ATP10A: variants seen among roughly 807,000 people sequenced by gnomAD.
ATP10A encodes phospholipid-transporting ATPase VA.
ATP10A carries 111 observed loss-of-function variants against 147.8 expected under a neutral mutation model. The observed-to-expected ratio is 0.75, with a 90% CI of 0.64 to 0.88. The LOEUF (loss-of-function observed/expected upper bound fraction) is 0.88, where lower values mean the gene tolerates loss of function less well. Ranked by LOEUF, ATP10A falls within the 40% of genes least tolerant of loss-of-function variation. The pLI, the probability that ATP10A is intolerant of heterozygous loss-of-function variation, is 0.00. For missense variants in ATP10A, 1,927 were observed against 1,959.0 expected, an observed-to-expected ratio of 0.98 and a Z score of 0.31; for synonymous variants, 875 against 841.6, an observed-to-expected ratio of 1.04 and a Z score of -0.69.
At chr15:25,843,644 C>T (rs1892903971) in intron 1 of ATP10A, among the ~76,000 whole-genome samples, 1 of 152,176 alleles carries the variant, frequency 6.6e-6, no homozygotes, top group African/African-American at 2.4e-5. Context: ...TCCATCTACT[C>T]AGAGTTTATC....
intron 1 of ATP10A, among the ~76,000 whole-genome samples, chr15:25,807,648 C>T (rs887551313): frequency 3.3e-5 from 5 of 151,958 alleles, no homozygotes. Flanking sequence ...ATGAAAAATA[C>T]AAAATTAGCT....
chr15:25,681,091 A>G lies in ATP10A; in HGVS notation c.3493-17T>C, dbSNP rs775098743. The G allele has an allele frequency of 6.2e-7, 1 of 1,608,620 alleles. No homozygotes were observed. The highest frequency in any genetic ancestry group is 2.2e-5 in the East Asian group (1 of 44,812). ...CCGGTATTCCTGGGACACAAAAACA[A>G]TCAGTGATGTTACAGTGAAGCATTG... On this transcript the variant is annotated splice_polypyrimidine_tract_variant and intron_variant, in intron 17 of 20. Transcript: ENST00000555815.
chr15:25,830,583 G>T (rs569661983), intron 1 of ATP10A, among the ~76,000 whole-genome samples: 7 of 145,372 alleles, frequency 4.8e-5, no homozygotes, highest in East Asian at 1.9e-4. Context: ...CTTTCTCTCC[G>T]GGGGGGTCCT....
chr15:25,849,106 C>T (rs909877930), intron 1 of ATP10A, among the ~76,000 whole-genome samples: 1 of 151,716 alleles, frequency 6.6e-6, no homozygotes, highest in African/African-American at 2.4e-5. Context: ...GCGGGGTAAG[C>T]AGGTTTAGAA....
At chr15:25,692,574 T>C (rs1014760615) in intron 14 of ATP10A, among the ~76,000 whole-genome samples, 10 of 152,188 alleles carry the variant, frequency 6.6e-5, no homozygotes, top group Admixed American at 6.5e-4. Flanking sequence ...TCCCTGTGAT[T>C]TTCCTGTTCT....
At chr15:25,732,046 GA>G (rs958722178) in intron 3 of ATP10A, among the ~76,000 whole-genome samples, 14 of 151,948 alleles carry the variant, frequency 9.2e-5, no homozygotes, top group African/African-American at 3.4e-4. Flanking sequence ...GTGTGTGTGT[GA>G]TTTTTGTAGA....
rs769090527 is a variant in ATP10A, at chr15:25,708,065, C to T, written c.2486G>A (p.Ser829Asn). Residue 829 changes from serine to asparagine, a missense_variant, in exon 12 of 21, where the codon AGC becomes AAC. Physicochemically the swap from Ser to Asn is conservative, Grantham distance 46. Coordinates refer to ENST00000555815, the MANE Select transcript of ATP10A (RefSeq NM_024490.4). ...CAGGGAGGATTCGGCTTCTAGGTGG[C>T]TTTGCAACCAGCAGGCATACTCTTC... is the stretch of plus-strand genomic sequence containing the variant. ...SKEEYACWLQ[S>N]HLEAESSLEN... The T allele has an allele frequency of 6.2e-7, 1 of 1,614,160 alleles. No homozygotes were observed. The highest frequency in any genetic ancestry group is 8.5e-7 in the Non-Finnish European group (1 of 1,180,042).
chr15:25,727,276 G>A lies in ATP10A; in HGVS notation c.741-10C>T, dbSNP rs1180753422. ...CCCGTTGTCATGTATGCTGTAGAGG[G>A]ACAGTTGGCACATGTCACGTGGTTG... On this transcript the variant is annotated splice_polypyrimidine_tract_variant and intron_variant, in intron 3 of 20. Transcript: ENST00000555815. 2 of 1,608,012 alleles carry A rather than the reference G, an allele frequency of 1.2e-6. No individual in the cohort carries two copies. The highest frequency in any genetic ancestry group is 1.7e-6 in the Non-Finnish European group (2 of 1,174,604).
chr15:25,785,460 C>T (rs929043377), intron 1 of ATP10A, among the ~76,000 whole-genome samples: 1 of 152,154 alleles, frequency 6.6e-6, no homozygotes, highest in Non-Finnish European at 1.5e-5. Context: ...TTGAAGTCAC[C>T]CCATCTGTGG....
At chr15:25,710,470 C>G (rs1360105566) in intron 10 of ATP10A, 5 of 152,200 alleles carry the variant, frequency 3.3e-5, no homozygotes, top group African/African-American at 1.2e-4. Flanking sequence ...TGGGCTGCAC[C>G]TGATGTTCCC....
At position 25,729,726 on chromosome 15, in the gene ATP10A, C is replaced by G. The variant is rs1463072393; in HGVS notation, c.741-2460G>C. On this transcript the variant is annotated intron_variant, in intron 3 of 20. Coordinates refer to ENST00000555815, the MANE Select transcript of ATP10A (RefSeq NM_024490.4). ...CTAGCCTCTGCCTGAGGTAGCCCGGCCTTCCGGCCTGGGCTCAGCTTCTGC... is the reference window on the plus strand; with the variant it reads ...CTAGCCTCTGCCTGAGGTAGCCCGGGCTTCCGGCCTGGGCTCAGCTTCTGC... Among the ~76,000 whole-genome samples, 4 of 152,180 alleles carry G rather than the reference C, an allele frequency of 2.6e-5. No individual in the cohort carries two copies. The East Asian group carries it at 7.7e-4, about 29-fold the overall frequency.
intron 15 of ATP10A, 187 bp from the exon 16 acceptor site, chr15:25,688,015 C>T: frequency 1.4e-6 from 1 of 700,200 alleles, no homozygotes; most frequent in South Asian, 1.6e-5. Flanking sequence ...ACAAAAGAGG[C>T]AATCTCACCC....
Position 25,713,675 on chromosome 15 carries a change from T to G in ATP10A, c.2343A>C (p.Ser781=). The change falls in exon 10 of 21, where the codon TCA becomes TCC. Residue 781 remains serine (S), a splice_region_variant and synonymous_variant. Transcript: ENST00000555815. ...GCAGCTGGGCAGGGGTGGGAGTACC[T>G]GAAGAGCAGGGCTGCAGGAGATCCA... is the stretch of plus-strand genomic sequence containing the variant. ...VVMDLLQPCS[S]VDARGRHQKK... The G allele has an allele frequency of 6.2e-7, 1 of 1,613,490 alleles. No individual in the cohort carries two copies. The highest frequency in any genetic ancestry group is 8.5e-7 in the Non-Finnish European group (1 of 1,179,762).
intron 2 of ATP10A, among the ~76,000 whole-genome samples, chr15:25,768,314 G>A (rs1368999135): frequency 6.6e-6 from 1 of 152,198 alleles, no homozygotes; most frequent in Non-Finnish European, 1.5e-5. Context: ...TGGACTTTCT[G>A]TGAAAGATGT....
chr15:25,736,389 A>C (rs1423815250), intron 2 of ATP10A, among the ~76,000 whole-genome samples: 1 of 152,218 alleles, frequency 6.6e-6, no homozygotes, highest in Non-Finnish European at 1.5e-5. Context: ...AGCAGAAATG[A>C]CTGCAGCTCT....
At chr15:25,688,386 C>T (rs1220347542) in intron 15 of ATP10A, among the ~76,000 whole-genome samples, 3 of 152,260 alleles carry the variant, frequency 2.0e-5, no homozygotes, top group African/African-American at 7.2e-5. Flanking sequence ...ACGCCGGGTG[C>T]GGGCAGTGGC....
intron 14 of ATP10A, 135 bp from the exon 15 acceptor site, chr15:25,691,926 G>T (rs966430567): frequency 7.4e-6 from 7 of 943,172 alleles, no homozygotes; most frequent in Non-Finnish European, 1.2e-5. Context: ...GGGGGAAAAA[G>T]GAGTAGAGCA....
chr15:25,762,336 G>T (rs929600977), intron 2 of ATP10A, among the ~76,000 whole-genome samples: 53 of 152,264 alleles, frequency 3.5e-4, no homozygotes, highest in African/African-American at 1.2e-3. Flanking sequence ...GAACGCAGTG[G>T]CACAATCATG....
chr15:25,842,071 T>A (rs1208413576), intron 1 of ATP10A, among the ~76,000 whole-genome samples: 2 of 151,984 alleles, frequency 1.3e-5, no homozygotes, highest in African/African-American at 4.8e-5. Flanking sequence ...TGCTGTTGTG[T>A]GGGTGGATGG....
Sources: allele counts gnomAD v4.1 joint callset (sites outside exome capture counted in the v4.1 genomes callset), GRCh38; gene constraint gnomAD v4.1.1; transcripts MANE v1.5; gene names NCBI Gene and HGNC (gene_info 2026-07-23, HGNC 2026-07-21).